The following ARHGAP22 variants were observed in gnomAD, a reference collection of about 807,000 sequenced individuals.
The protein encoded by ARHGAP22 is rho GTPase-activating protein 22.
ARHGAP22 carries 48 observed loss-of-function variants against 59.1 expected under a neutral mutation model. The ratio of observed to expected loss-of-function variants is 0.81; its 90% CI spans 0.64 to 1.03. The LOEUF is 1.03. Among genes scored for constraint, ARHGAP22 ranks in the 50% least tolerant of loss-of-function variants. The pLI is 0.00. For missense variants in ARHGAP22, 1,015 were observed against 958.7 expected (o/e 1.06, Z -0.78); for synonymous variants, 445 against 416.4 (o/e 1.07, Z -0.84).
intron 1 of ARHGAP22, among the ~76,000 whole-genome samples, chr10:48,645,368 C>T (rs188345920): frequency 1.0e-3 from 153 of 152,164 alleles, no homozygotes; most frequent in East Asian, 1.7e-3. Flanking sequence ...AAATGCTCAA[C>T]AAAATATTAG....
intron 4 of ARHGAP22, among the ~76,000 whole-genome samples, chr10:48,465,198 G>C (rs1033428864): frequency 6.6e-6 from 1 of 152,244 alleles, no homozygotes; most frequent in African/African-American, 2.4e-5. Flanking sequence ...CATCGTGTGG[G>C]TTCCTCGAGG....
chr10:48,653,117 C>G (rs756915300), upstream of ARHGAP22, among the ~76,000 whole-genome samples: 7 of 152,204 alleles, frequency 4.6e-5, no homozygotes, highest in Non-Finnish European at 8.8e-5. Context: ...AGCATTGATT[C>G]AGATGGAGCA....
intron 1 of ARHGAP22, among the ~76,000 whole-genome samples, chr10:48,592,601 A>G (rs1486554519): frequency 6.6e-6 from 1 of 152,092 alleles, no homozygotes; most frequent in Non-Finnish European, 1.5e-5. Flanking sequence ...GTGCAGGGCT[A>G]GTCCTTGGCC....
chr10:48,650,884 G>A (rs2062532166), intron 1 of ARHGAP22, among the ~76,000 whole-genome samples: 1 of 152,204 alleles, frequency 6.6e-6, no homozygotes, highest in African/African-American at 2.4e-5. Flanking sequence ...GTGAGATCCA[G>A]GGAAGTTGAC....
chr10:48,548,290 A>T (rs1433253829), intron 3 of ARHGAP22, among the ~76,000 whole-genome samples: 1 of 152,114 alleles, frequency 6.6e-6, no homozygotes, highest in African/African-American at 2.4e-5. Context: ...TGCTAGAGTT[A>T]GCCAGAGCTG....
At chr10:48,545,314 G>A (rs2056333719) in intron 3 of ARHGAP22, among the ~76,000 whole-genome samples, 1 of 152,136 alleles carries the variant, frequency 6.6e-6, no homozygotes, top group Admixed American at 6.5e-5. Flanking sequence ...CTGCTCAAGG[G>A]GACTCTTTCC....
At chr10:48,588,948 A>T (rs752626038) in intron 1 of ARHGAP22, among the ~76,000 whole-genome samples, 6 of 152,146 alleles carry the variant, frequency 3.9e-5, no homozygotes. Context: ...AGAGTGTGGG[A>T]TGACCTCAGG....
intron 1 of ARHGAP22, among the ~76,000 whole-genome samples, chr10:48,592,225 T>G (rs2059802716): frequency 6.6e-6 from 1 of 152,138 alleles, no homozygotes; most frequent in Non-Finnish European, 1.5e-5. Flanking sequence ...ACCACTACAT[T>G]GCCTAGGCTA....
chr10:48,583,238 G>A (rs560855805), intron 1 of ARHGAP22, 86 bp from the exon 2 acceptor site: 131 of 1,469,572 alleles, frequency 8.9e-5, no homozygotes, highest in East Asian at 2.3e-4. Context: ...CAGCTGCCTC[G>A]TGACTGAGGC....
intron 2 of ARHGAP22, among the ~76,000 whole-genome samples, chr10:48,566,217 T>C (rs1484676767): frequency 6.6e-6 from 1 of 152,176 alleles, no homozygotes; most frequent in African/African-American, 2.4e-5. Flanking sequence ...GGCAGGCATG[T>C]TTTAGAAAGC....
intron 3 of ARHGAP22, among the ~76,000 whole-genome samples, chr10:48,485,204 G>A (rs1269161484): frequency 6.6e-6 from 1 of 151,920 alleles, no homozygotes; most frequent in East Asian, 1.9e-4. Flanking sequence ...GCTTACCTTG[G>A]GTTTAATTTG....
chr10:48,555,584 T>C, intron 2 of ARHGAP22, 34 bp from the exon 3 acceptor site: 1 of 1,599,052 alleles, frequency 6.3e-7, no homozygotes, highest in Non-Finnish European at 8.6e-7. Flanking sequence ...ACAGGGAGCA[T>C]GAGATGATGG....
At chr10:48,488,211 G>A (rs949133610) in intron 3 of ARHGAP22, among the ~76,000 whole-genome samples, 1 of 152,156 alleles carries the variant, frequency 6.6e-6, no homozygotes, top group Non-Finnish European at 1.5e-5. Context: ...TAATAGGTTT[G>A]ATCTCTAGAA....
chr10:48,524,212 G>A, intron 3 of ARHGAP22: 1 of 726,542 alleles, frequency 1.4e-6, no homozygotes, highest in South Asian at 5.9e-5. Flanking sequence ...GCTGGGCGCA[G>A]GGTGCGCGGG....
At chr10:48,440,267 T>C in the ARHGAP22 span, among the ~76,000 whole-genome samples, 1 of 152,228 alleles carries the variant, frequency 6.6e-6, no homozygotes, top group Admixed American at 6.5e-5. Flanking sequence ...GGACTTCATT[T>C]GAAACCAAAA....
chr10:48,612,808 T>A (rs953413409), intron 1 of ARHGAP22, among the ~76,000 whole-genome samples: 1 of 152,230 alleles, frequency 6.6e-6, no homozygotes, highest in Non-Finnish European at 1.5e-5. Context: ...TCTCACTTCC[T>A]AATCCTTTTA....
chr10:48,496,673 C>A (rs1209917736), intron 3 of ARHGAP22, among the ~76,000 whole-genome samples: 2 of 152,112 alleles, frequency 1.3e-5, no homozygotes, highest in South Asian at 2.1e-4. Context: ...TCGCCTGGTG[C>A]CTGCCAGAAT....
At chr10:48,572,559 T>C (rs1012406215) in intron 2 of ARHGAP22, among the ~76,000 whole-genome samples, 2 of 152,158 alleles carry the variant, frequency 1.3e-5, no homozygotes, top group Non-Finnish European at 2.9e-5. Flanking sequence ...TGCTCCAGAG[T>C]GAATATGAGT....
intron 3 of ARHGAP22, among the ~76,000 whole-genome samples, chr10:48,498,264 A>T (rs2051152371): frequency 6.6e-6 from 1 of 152,104 alleles, no homozygotes; most frequent in Non-Finnish European, 1.5e-5. Flanking sequence ...CACGGCAGCC[A>T]CACTGCATAG....
Sources: gnomAD v4.1 joint callset for allele counts (sites outside exome capture counted in the v4.1 genomes callset) on GRCh38, gnomAD v4.1.1 for gene constraint, MANE v1.5 for transcripts, NCBI Gene and HGNC (gene_info 2026-07-23, HGNC 2026-07-21) for gene names.